Variants in HERC5 observed in about 807,000 individuals in gnomAD.
The protein encoded by HERC5 is E3 ISG15--protein ligase HERC5.
Under a neutral mutation model 119.6 loss-of-function variants are expected in HERC5, and 99 were observed. That is an observed-to-expected ratio of 0.83 (90% CI 0.70 to 0.98). The LOEUF is 0.98. HERC5 is among the 50% of genes least tolerant of loss of function. The pLI, the probability that HERC5 is intolerant of heterozygous loss-of-function variation, is 0.00. For synonymous variants in HERC5, 478 were observed against 445.9 expected (o/e 1.07, Z -0.91); for missense variants, 1,267 against 1,241.3 (o/e 1.02, Z -0.31).
At chr4:88,473,227 C>T (rs1740938000) in intron 11 of HERC5, 1 of 151,750 alleles carries the variant, frequency 6.6e-6, no homozygotes, top group Admixed American at 6.6e-5. Context: ...TATGGGGATA[C>T]TACTTTCTGT....
At position 88,472,485 on chromosome 4, in the gene HERC5, G is replaced by GATT. The variant is rs746808514; in HGVS notation, c.1376_1377insTTA (p.Asp459_Trp460insTyr). 6.3e-6 allele frequency: 10 copies of GATT among 1,580,986 alleles called. No individual in the cohort carries two copies. In the East Asian group the frequency reaches 2.2e-4, roughly 35 times the overall value. ...CATCTTCAAGGAGTTAACCCAAAAG[G>GATT]ACTGGATTACTAACATGGTATCTTC... On this transcript the variant is annotated inframe_insertion, in exon 11 of 23. Transcript: ENST00000264350.
chr4:88,470,901 G>A (rs1021560697), intron 10 of HERC5, among the ~76,000 whole-genome samples: 10 of 151,482 alleles, frequency 6.6e-5, no homozygotes, highest in Admixed American at 3.9e-4. Context: ...TAGCACTTAC[G>A]TATATGATTA....
chr4:88,492,957 A>G (rs757845281), intron 16 of HERC5, 55 bp from the exon 17 acceptor site: 11 of 1,545,742 alleles, frequency 7.1e-6, no homozygotes, highest in Non-Finnish European at 9.7e-6. Flanking sequence ...ATGAGACTTC[A>G]TATATAGCAA....
chr4:88,479,592 C>T, intron 13 of HERC5, 85 bp downstream of exon 13: 1 of 1,133,480 alleles, frequency 8.8e-7, no homozygotes, highest in Non-Finnish European at 1.2e-6. Context: ...TTTAAGTAGA[C>T]TCGTGTGAGA....
At chr4:88,479,078 G>A (rs1006005061) in intron 12 of HERC5, among the ~76,000 whole-genome samples, 3 of 152,038 alleles carry the variant, frequency 2.0e-5, no homozygotes, top group Non-Finnish European at 2.9e-5. Flanking sequence ...CTGAGGTCAG[G>A]AGTTCAAGAC....
intron 1 of HERC5, chr4:88,457,755 C>T: frequency 1.6e-6 from 1 of 643,840 alleles, no homozygotes; most frequent in Non-Finnish European, 2.2e-6. Flanking sequence ...ACCAGCGGAT[C>T]CTCCGCTCAG....
intron 17 of HERC5, 89 bp from the exon 18 acceptor site, chr4:88,494,076 G>A (rs1167951699): frequency 1.2e-6 from 1 of 806,228 alleles, no homozygotes; most frequent in Non-Finnish European, 1.8e-6. Flanking sequence ...TTGATTTTAT[G>A]AAAGAGAAAC....
At chr4:88,471,599 C>G (rs1306078237) in intron 10 of HERC5, among the ~76,000 whole-genome samples, 2 of 152,108 alleles carry the variant, frequency 1.3e-5, no homozygotes, top group African/African-American at 4.8e-5. Context: ...CCTCAGCCTC[C>G]TGGTGTTGGG....
chr4:88,468,411 A>T lies in HERC5; in HGVS notation c.1123A>T (p.Ile375Leu). The T allele has an allele frequency of 6.2e-7, 1 of 1,608,064 alleles. No individual in the cohort carries two copies. The highest frequency in any genetic ancestry group is 8.5e-7 in the Non-Finnish European group (1 of 1,175,388). Residue 375 changes from isoleucine to leucine, a missense_variant, in exon 8 of 23, where the codon ATA becomes TTA. This residue lies in a region of HERC5 where 777 missense variants were observed against 758.0 expected (regional missense o/e 1.03). Transcript: ENST00000264350. ...AGGNQSILLW[I>L]KKENSYVNLK... ...AGGGAATCAAAGCATTTTGCTCTGG[A>T]TAAAGAAAGAGGTAAAAATAGATCT...
At position 88,465,826 on chromosome 4, in the gene HERC5, A is replaced by C. The variant is rs866170944; in HGVS notation, c.912-1233A>C. 3.9e-5 allele frequency among the ~76,000 whole-genome samples: 6 copies of C among 152,328 alleles called. No individual in the cohort carries two copies. In the South Asian group the frequency reaches 8.3e-4, roughly 21 times the overall value. On this transcript the variant is annotated intron_variant, in intron 6 of 22. Transcript: ENST00000264350. ...AAAGGAAGACACATAAGGGCAGGGT[A>C]TAGGAGGGCTGCAAATGCTGAGCTT...
Position 88,457,410 on chromosome 4 carries a change from C to G in HERC5, c.141C>G (p.Leu47=). Residue 47 remains leucine, a synonymous_variant, in exon 1 of 23, where the codon CTC becomes CTG. Transcript: ENST00000264350. The part of the protein sequence containing the change: ...PSAAGLHRAL[L]RRVEVTRQLC... ...CCGCGGGCCTCCACCGCGCGCTGCTCCGGAGGGTGGAGGTGACGCGCCAAC... is the reference window on the plus strand; with the variant it reads ...CCGCGGGCCTCCACCGCGCGCTGCTGCGGAGGGTGGAGGTGACGCGCCAAC... 7.2e-7 allele frequency: 1 copy of G among 1,390,962 alleles called. No individual in the cohort carries two copies. Among genetic ancestry groups the G allele is most frequent in the Non-Finnish European group, 9.3e-7 (1 of 1,075,516 alleles). The allele number at this position is 1,390,962 out of a possible 1,614,324, so 86.2% of individuals were successfully genotyped here.
At chr4:88,498,358 A>T (rs1216541407) in intron 18 of HERC5, among the ~76,000 whole-genome samples, 2 of 152,190 alleles carry the variant, frequency 1.3e-5, no homozygotes, top group African/African-American at 2.4e-5. Flanking sequence ...TCATGGGTGT[A>T]GGGCTGCCTG....
At chr4:88,471,551 G>A (rs1430665528) in intron 10 of HERC5, among the ~76,000 whole-genome samples, 13 of 151,256 alleles carry the variant, frequency 8.6e-5, no homozygotes, top group African/African-American at 1.5e-4. Flanking sequence ...ATGTTGCCCA[G>A]GCTGGTCTTG....
intron 1 of HERC5, chr4:88,457,900 T>C (rs1740237023): frequency 2.9e-6 from 3 of 1,035,710 alleles, no homozygotes; most frequent in Non-Finnish European, 2.3e-6. Flanking sequence ...TTTGAGAAAG[T>C]AGTCACTGCT....
intron 9 of HERC5, among the ~76,000 whole-genome samples, chr4:88,469,856 T>G (rs1055696303): frequency 2.0e-5 from 3 of 152,204 alleles, no homozygotes; most frequent in Non-Finnish European, 4.4e-5. Context: ...GTAAGCGCCA[T>G]GAGGACAGCT....
At position 88,500,976 on chromosome 4, in the gene HERC5, A is replaced by G; in HGVS notation, c.2573A>G (p.Gln858Arg). 6.2e-7 allele frequency: 1 copy of G among 1,609,088 alleles called. No homozygotes were observed. The highest frequency in any genetic ancestry group is 2.2e-5 in the East Asian group (1 of 44,684). Residue 858 changes from glutamine to arginine, a missense_variant, in exon 20 of 23, where the codon CAG becomes CGG. Around this residue, in one of 3 missense-constraint regions of HERC5, gnomAD observed 473 missense variants for 445.7 expected, o/e 1.06. Transcript: ENST00000264350. ...AATGGAAGTAGCATAACTGTCAACC[A>G]GACTAACAAGTAGGTACAAAAAATG... ...IPNGSSITVN[Q>R]TNKRDYVSKY...
At chr4:88,469,058 T>C in intron 8 of HERC5, 99 bp from the exon 9 acceptor site, 1 of 682,984 alleles carries the variant, frequency 1.5e-6, no homozygotes, top group East Asian at 2.7e-5. Flanking sequence ...ATTACACATA[T>C]TTAAAAGTCA....
In HERC5 at chr4:88,468,374, A is replaced by G. The variant is rs779772070; in HGVS notation, c.1086A>G (p.Ile362Met). The stretch of plus-strand genomic sequence containing the variant: ...GCCATACCTCAGAAAAGGAGTTAAT[A>G]ATGATTGCTGGAGGGAATCAAAGCA... ...LESHTSEKEL[I>M]MIAGGNQSIL... is the part of the protein sequence containing the mutation. Residue 362 changes from isoleucine to methionine, a missense_variant, in exon 8 of 23, where the codon ATA (isoleucine) becomes ATG (methionine). Coordinates refer to ENST00000264350, the MANE Select transcript of HERC5 (RefSeq NM_016323.4). 1.9e-6 allele frequency: 3 copies of G among 1,611,792 alleles called. No individual in the cohort carries two copies. In the South Asian group the frequency reaches 3.3e-5, roughly 18 times the overall value.
intron 18 of HERC5, among the ~76,000 whole-genome samples, chr4:88,498,296 C>T (rs1353527390): frequency 6.6e-6 from 1 of 152,150 alleles, no homozygotes; most frequent in Non-Finnish European, 1.5e-5. Context: ...GAATCAAAAG[C>T]ACCCAACACT....
Sources: allele counts gnomAD v4.1 joint callset (sites outside exome capture counted in the v4.1 genomes callset), GRCh38; gene constraint gnomAD v4.1.1; regional missense constraint gnomAD v4.1.1; transcripts MANE v1.5; gene names NCBI Gene and HGNC (gene_info 2026-07-23, HGNC 2026-07-21).